Variants in CRHR1 observed in about 807,000 individuals in gnomAD.
The protein encoded by CRHR1 is corticotropin-releasing hormone receptor 1.
CRHR1 carries 28 observed loss-of-function variants against 56.0 expected under a neutral mutation model. The observed-to-expected ratio is 0.50, with a 90% CI of 0.37 to 0.69. The LOEUF (loss-of-function observed/expected upper bound fraction) is 0.69. CRHR1 is among the 30% of genes least tolerant of loss of function. The pLI, the probability that CRHR1 is intolerant of heterozygous loss-of-function variation, is 0.00. For missense variants in CRHR1, 376 were observed against 548.0 expected (o/e 0.69, Z 3.13); for synonymous variants, 195 against 216.5 (o/e 0.90, Z 0.87).
chr17:45,829,518 T>C, intron 5 of CRHR1, 197 bp downstream of exon 5: 1 of 1,518,060 alleles, frequency 6.6e-7, no homozygotes, highest in Non-Finnish European at 8.9e-7. Context: ...GCTGCTGGAA[T>C]GGTGGGGAGG....
Position 45,830,564 on chromosome 17 carries a change from G to A in CRHR1, c.703G>A (p.Gly235Ser). The A allele has an allele frequency of 6.2e-7, 1 of 1,607,396 alleles. No homozygotes were observed. The highest frequency in any genetic ancestry group is 8.5e-7 in the Non-Finnish European group (1 of 1,176,138). The change falls in exon 7 of 13, where the codon GGC becomes AGC. Residue 235 changes from glycine (G) to serine (S), a missense_variant. By Grantham distance (56) the Gly-to-Ser change is moderately conservative (BLOSUM62 0). This residue lies in a region of CRHR1 where 369 missense variants were observed against 519.5 expected (regional missense o/e 0.71). Coordinates refer to ENST00000314537, the MANE Select transcript of CRHR1 (RefSeq NM_004382.5). ...RLRKWMFICI[G>S]WGVPFPIIVA... ...GCGCAAATGGATGTTCATCTGCATT[G>A]GCTGGGGTGAGCTGGGCAGCCACCT...
At chr17:45,796,937 A>G (rs1448060361) in intron 1 of CRHR1, among the ~76,000 whole-genome samples, 2 of 152,222 alleles carry the variant, frequency 1.3e-5, no homozygotes, top group Non-Finnish European at 2.9e-5. Flanking sequence ...AGAGCAAATC[A>G]TACAAAGACG....
chr17:45,823,712 A>G (rs1408610058), intron 4 of CRHR1, among the ~76,000 whole-genome samples: 1 of 152,220 alleles, frequency 6.6e-6, no homozygotes, highest in African/African-American at 2.4e-5. Context: ...TAACGGAGAA[A>G]GAATCACTTT....
At chr17:45,806,583 G>GGA (rs1568043128) in intron 1 of CRHR1, among the ~76,000 whole-genome samples, 3 of 152,174 alleles carry the variant, frequency 2.0e-5, no homozygotes, top group Non-Finnish European at 2.9e-5. Flanking sequence ...GGATGTCAGC[G>GGA]GCCATGGTGG....
chr17:45,809,162 G>C (rs2061772706), intron 2 of CRHR1, among the ~76,000 whole-genome samples: 1 of 152,216 alleles, frequency 6.6e-6, no homozygotes, highest in Non-Finnish European at 1.5e-5. Context: ...GGACCAGTAG[G>C]TGGGTTTGGC....
At chr17:45,820,184 G>A (rs1249183552) in intron 3 of CRHR1, among the ~76,000 whole-genome samples, 1 of 152,206 alleles carries the variant, frequency 6.6e-6, no homozygotes, top group Non-Finnish European at 1.5e-5. Flanking sequence ...AGTGAGGGAG[G>A]CTCCAGGTGA....
At chr17:45,811,749 C>A (rs900830492) in intron 2 of CRHR1, among the ~76,000 whole-genome samples, 6 of 152,178 alleles carry the variant, frequency 3.9e-5, no homozygotes, top group African/African-American at 1.4e-4. Context: ...TAGGTATCTG[C>A]TTAAATGGTA....
At chr17:45,833,693 T>TGGGCCCC in intron 10 of CRHR1, 21 bp from the exon 11 acceptor site, 3 of 1,571,602 alleles carry the variant, frequency 1.9e-6, no homozygotes, top group Non-Finnish European at 2.6e-6. Flanking sequence ...ACTCCGAGCC[T>TGGGCCCC]CCCCACCCGC....
At chr17:45,792,406 T>C (rs771198000) in intron 1 of CRHR1, among the ~76,000 whole-genome samples, 20 of 152,222 alleles carry the variant, frequency 1.3e-4, no homozygotes, top group Middle Eastern at 3.4e-3. Context: ...AGTGACCCCA[T>C]TGAGTCCTCC....
At chr17:45,816,818 G>A (rs1326949446) in intron 3 of CRHR1, among the ~76,000 whole-genome samples, 1 of 152,206 alleles carries the variant, frequency 6.6e-6, no homozygotes, top group East Asian at 1.9e-4. Context: ...AGGCCCCTGG[G>A]GCTCAGGGAG....
intron 1 of CRHR1, among the ~76,000 whole-genome samples, chr17:45,805,245 T>C (rs2061698339): frequency 1.3e-5 from 2 of 152,310 alleles, no homozygotes; most frequent in South Asian, 2.1e-4. Context: ...TTGGCGTTAA[T>C]CTTTATTTTA....
chr17:45,813,018 C>G (rs904886865), intron 2 of CRHR1, among the ~76,000 whole-genome samples: 1 of 152,246 alleles, frequency 6.6e-6, no homozygotes, highest in Admixed American at 6.5e-5. Context: ...CTCCTCCTCC[C>G]TGGACTCGGT....
Position 45,834,917 on chromosome 17 carries a change from C to G in CRHR1, c.*153C>G. ...CTGACAGCCTGGGGGGGCCGCTCTCCCCCTGCAGCCGTGCAGGACTCTAGC... is the reference window on the plus strand; with the variant it reads ...CTGACAGCCTGGGGGGGCCGCTCTCGCCCTGCAGCCGTGCAGGACTCTAGC... On this transcript the variant is annotated 3_prime_UTR_variant, in exon 13 of 13. Transcript: ENST00000314537. 1 of 1,022,298 alleles carries G rather than the reference C, an allele frequency of 9.8e-7. No homozygotes were observed. Among genetic ancestry groups the G allele is most frequent in the Admixed American group, 2.3e-5 (1 of 42,882 alleles). The allele number at this position is 1,022,298 out of a possible 1,614,324, so 63.3% of individuals were successfully genotyped here.
intron 1 of CRHR1, among the ~76,000 whole-genome samples, chr17:45,804,818 AT>A (rs59708339): frequency 0.87 from 125,864 of 144,906 alleles, 54,620 homozygotes; most frequent in East Asian, 0.98. Flanking sequence ...GCAATAGATA[AT>A]TTTTTTTTTT....
chr17:45,807,916 CA>C (rs1480869083), intron 2 of CRHR1, among the ~76,000 whole-genome samples: 1 of 152,164 alleles, frequency 6.6e-6, no homozygotes, highest in Non-Finnish European at 1.5e-5. Context: ...GACTGGGACC[CA>C]AATCTAGGTG....
At chr17:45,789,724 C>A (rs946497105) in intron 1 of CRHR1, among the ~76,000 whole-genome samples, 3 of 152,176 alleles carry the variant, frequency 2.0e-5, no homozygotes, top group South Asian at 2.1e-4. Flanking sequence ...TCTAGGCCAG[C>A]CATCCCTTAC....
intron 1 of CRHR1, among the ~76,000 whole-genome samples, chr17:45,796,833 GAGT>G (rs2061526456): frequency 1.3e-5 from 2 of 152,210 alleles, no homozygotes; most frequent in Non-Finnish European, 2.9e-5. Context: ...GAGAAAGGTA[GAGT>G]GGTTAAGACA....
chr17:45,834,476 G>T, intron 12 of CRHR1, 148 bp from the exon 13 acceptor site: 1 of 852,532 alleles, frequency 1.2e-6, no homozygotes, highest in Non-Finnish European at 1.7e-6. Context: ...TCGTGTTAAG[G>T]CTGTGAGTGT....
intron 2 of CRHR1, among the ~76,000 whole-genome samples, chr17:45,810,784 C>G (rs2061807759): frequency 6.6e-6 from 1 of 152,244 alleles, no homozygotes; most frequent in Admixed American, 6.5e-5. Flanking sequence ...CCTACAGAGG[C>G]AGCTTTCTTC....
Sources: allele counts gnomAD v4.1 joint callset (sites outside exome capture counted in the v4.1 genomes callset), GRCh38; gene constraint gnomAD v4.1.1; regional missense constraint gnomAD v4.1.1; transcripts MANE v1.5; gene names NCBI Gene and HGNC (gene_info 2026-07-23, HGNC 2026-07-21).